The following FMO3 variants were observed in gnomAD, a reference collection of about 807,000 sequenced individuals.
FMO3 encodes the protein flavin-containing monooxygenase 3.
FMO3 carries 40 observed loss-of-function variants against 39.4 expected under a neutral mutation model. That is an observed-to-expected ratio of 1.02 (90% CI 0.79 to 1.32). The LOEUF (loss-of-function observed/expected upper bound fraction) is 1.32, where lower values mean the gene tolerates loss of function less well. FMO3 is among the 40% of genes most tolerant of loss of function. The pLI is 0.00. For missense variants in FMO3, 680 were observed against 651.8 expected (o/e 1.04, Z -0.47); for synonymous variants, 219 against 228.8 (o/e 0.96, Z 0.39).
rs28363576 is a variant in FMO3, at chr1:171,112,808, T to C, written c.828-1199T>C. ...TAGATGACATCTCTTGAAGAATGCA[T>C]GTAAATGGAGGAGACTAAAGGTCTG... On this transcript the variant is annotated intron_variant, in intron 6 of 8. Coordinates refer to ENST00000367755, the MANE Select transcript of FMO3 (RefSeq NM_001002294.3). Among the ~76,000 whole-genome samples, 1,259 of 152,172 alleles carry C rather than the reference T, an allele frequency of 8.3e-3. 21 individuals carry two copies. Among genetic ancestry groups the C allele is most frequent in the African/African-American group, 0.029 (1,197 of 41,504 alleles).
rs575457861 is a variant in FMO3, at chr1:171,104,356, G to A, written c.321+383G>A. ...TAATTTAGTCTATGTATCAATACTT[G>A]TGGGAAACATAGGAAGCTATATTTT... On this transcript the variant is annotated intron_variant, in intron 3 of 8. Coordinates refer to ENST00000367755, the MANE Select transcript of FMO3 (RefSeq NM_001002294.3). Among the ~76,000 whole-genome samples, 3 of 152,056 alleles carry A rather than the reference G, an allele frequency of 2.0e-5. No homozygotes were observed. In the South Asian group the frequency reaches 6.2e-4, roughly 32 times the overall value.
chr1:171,116,210 A>G lies in FMO3; in HGVS notation c.1186A>G (p.Thr396Ala), dbSNP rs1274839305. Reference protein sequence around the residue: ...SRWAAQVIKGTCTLPSMEDMM... With the variant: ...SRWAAQVIKGACTLPSMEDMM... ...TCGTGTCTTTCCTTCTTTATCAGGA[A>G]CTTGTACTTTGCCTTCTATGGAAGA... Residue 396 changes from threonine (T) to alanine (A), a missense_variant and splice_region_variant, in exon 8 of 9, where the codon ACT becomes GCT. By Grantham distance (58) the Thr-to-Ala change is moderately conservative. Coordinates refer to ENST00000367755, the MANE Select transcript of FMO3 (RefSeq NM_001002294.3). 6.3e-7 allele frequency: 1 copy of G among 1,596,694 alleles called. No homozygotes were observed. Among genetic ancestry groups the G allele is most frequent in the Non-Finnish European group, 8.6e-7 (1 of 1,164,508 alleles).
In FMO3 at chr1:171,117,103, TG is replaced by T. The variant is rs1656190638; in HGVS notation, c.1262del (p.Gly421AlafsTer67). 1 of 1,613,700 alleles carries T rather than the reference TG, an allele frequency of 6.2e-7. No homozygotes were observed. Among genetic ancestry groups the T allele is most frequent in the Non-Finnish European group, 8.5e-7 (1 of 1,179,556 alleles). Reference sequence around the variant, plus strand: ...GTGTTTTCTCTCCCATCTCCAGGTTTGGCAAAAGCGAGACCATACAGACAGA... The same window carrying T: ...GTGTTTTCTCTCCCATCTCCAGGTTTGCAAAAGCGAGACCATACAGACAGA... ...EKMEKKRKWF[G>X]KSETIQTDYI... On this transcript the variant is annotated frameshift_variant, in exon 9 of 9. Coordinates refer to ENST00000367755, the MANE Select transcript of FMO3 (RefSeq NM_001002294.3). LOFTEE classifies it low-confidence loss of function (END_TRUNC).
At chr1:171,103,737 G>C (rs752742015) in intron 2 of FMO3, 48 bp from the exon 3 acceptor site, 2 of 1,453,036 alleles carry the variant, frequency 1.4e-6, no homozygotes, top group Non-Finnish European at 1.9e-6. Flanking sequence ...ACCATGATCA[G>C]TATACTCATT....
At chr1:171,103,607 G>A (rs1040573096) in intron 2 of FMO3, among the ~76,000 whole-genome samples, 178 bp from the exon 3 acceptor site, 1 of 152,128 alleles carries the variant, frequency 6.6e-6, no homozygotes, top group East Asian at 1.9e-4. Context: ...TAGGTTATAC[G>A]AAAATACTAT....
Position 171,114,259 on chromosome 1 carries a change from A to G in FMO3, c.1080A>G (p.Leu360=). ...TATTTAAAGGAGTATTTCCTCCTCT[A>G]CTTGAGAAGTCAACCATAGCAGTGA... is the stretch of plus-strand genomic sequence containing the variant. The part of the protein sequence containing the change: ...IILFKGVFPP[L]LEKSTIAVIG... The change falls in exon 7 of 9, where the codon CTA becomes CTG. Residue 360 remains leucine (L), a synonymous_variant. Transcript: ENST00000367755. 6.2e-7 allele frequency: 1 copy of G among 1,613,994 alleles called. No homozygotes were observed. Among genetic ancestry groups the G allele is most frequent in the Non-Finnish European group, 8.5e-7 (1 of 1,179,950 alleles).
chr1:171,116,266 GAA>G lies in FMO3; in HGVS notation c.1246_1247del (p.Lys416AlafsTer20), dbSNP rs765218351. ...MMNDINEKME[K>X]KRKWFGKSET... ...TGAATGATATTAATGAGAAAATGGA[GAA>G]AAAGCGCAAATGGTAAGAGTACCTA... On this transcript the variant is annotated frameshift_variant, in exon 8 of 9. Transcript: ENST00000367755. LOFTEE classifies it low-confidence loss of function (END_TRUNC). 2 of 1,589,440 alleles carry G rather than the reference GAA, an allele frequency of 1.3e-6. No homozygotes were observed. Among genetic ancestry groups the G allele is most frequent in the Non-Finnish European group, 1.7e-6 (2 of 1,158,248 alleles).
intron 2 of FMO3, among the ~76,000 whole-genome samples, chr1:171,096,689 A>G (rs1269890552): frequency 3.3e-5 from 3 of 92,242 alleles, no homozygotes; most frequent in Non-Finnish European, 6.3e-5. Context: ...TTAAAATATA[A>G]TTAATATAAT....
chr1:171,092,626 G>C (rs754438627), intron 1 of FMO3, 27 bp from the exon 2 acceptor site: 8 of 1,613,252 alleles, frequency 5.0e-6, no homozygotes, highest in Non-Finnish European at 5.9e-6. Context: ...TGTTGTTACT[G>C]GAAATGTTCT....
chr1:171,112,913 C>T lies in FMO3; in HGVS notation c.828-1094C>T, dbSNP rs1003617806. ...CTGTGGGAGACAGAAAAAGAATAGC[C>T]AGCAAAGTAGGAAAGGAACTGAGAG... On this transcript the variant is annotated intron_variant, in intron 6 of 8. Transcript: ENST00000367755. 2.0e-5 allele frequency among the ~76,000 whole-genome samples: 3 copies of T among 152,136 alleles called. No individual in the cohort carries two copies. In the South Asian group the frequency reaches 6.2e-4, roughly 31 times the overall value.
At chr1:171,096,071 T>TAATATATATTATATA (rs1491505210) in intron 2 of FMO3, among the ~76,000 whole-genome samples, 39 of 53,652 alleles carry the variant, frequency 7.3e-4, no homozygotes, top group African/African-American at 3.0e-3. Context: ...ATATTATATA[T>TAATATATATTATATA]TAATATATAA....
intron 1 of FMO3, among the ~76,000 whole-genome samples, chr1:171,091,601 C>T (rs1654711336): frequency 6.6e-6 from 1 of 151,770 alleles, no homozygotes; most frequent in Admixed American, 6.6e-5. Context: ...TCCCCAACAC[C>T]CCCCGGAGAG....
chr1:171,116,183 C>T, intron 7 of FMO3, 25 bp from the exon 8 acceptor site: 3 of 1,460,334 alleles, frequency 2.1e-6, no homozygotes, highest in Non-Finnish European at 9.6e-7. Flanking sequence ...CATTAATTAC[C>T]ATCGTGTCTT....
chr1:171,106,019 T>C (rs1407590452), intron 3 of FMO3, among the ~76,000 whole-genome samples: 3 of 152,124 alleles, frequency 2.0e-5, no homozygotes, highest in Admixed American at 1.3e-4. Flanking sequence ...CCAACTCTTA[T>C]TATAAAAAAG....
Position 171,107,550 on chromosome 1 carries a change from A to C in FMO3, c.322-125A>C. The C allele has an allele frequency of 4.1e-6, 3 of 735,288 alleles. No homozygotes were observed. In the Admixed American group the frequency reaches 6.8e-5, roughly 17 times the overall value. 45.5% of individuals were successfully genotyped at this position (735,288 alleles called of 1,614,324 possible). A position where few individuals can be genotyped will look rare whatever the true frequency, so the allele number is the denominator to read the frequency against. ...TTTTGATTTATTCTGAGGGAATTTT[A>C]AATTTGTAATATGTATCTTAATCAT... On this transcript the variant is annotated intron_variant, in intron 3 of 8. Coordinates refer to ENST00000367755, the MANE Select transcript of FMO3 (RefSeq NM_001002294.3).
chr1:171,095,996 T>G (rs1654968156), intron 2 of FMO3, among the ~76,000 whole-genome samples: 1 of 26,892 alleles, frequency 3.7e-5, no homozygotes, highest in South Asian at 1.1e-3. Context: ...TTTATATATT[T>G]TTATATATTA....
At chr1:171,099,394 G>A (rs1655254129) in intron 2 of FMO3, among the ~76,000 whole-genome samples, 2 of 152,174 alleles carry the variant, frequency 1.3e-5, no homozygotes, top group East Asian at 1.9e-4. Flanking sequence ...CCTACTGTAT[G>A]TTATTAAAAT....
chr1:171,114,035 G>C lies in FMO3; in HGVS notation c.856G>C (p.Asp286His). Residue 286 changes from aspartate to histidine, a missense_variant, in exon 7 of 9, where the codon GAT becomes CAT. Asp to His is a moderately conservative substitution (Grantham distance 81). Transcript: ENST00000367755. ...CCTGAGGAAAGAGCCTGTATTTAAC[G>C]ATGAGCTCCCAGCAAGCATTCTGTG... ...GVLRKEPVFN[D>H]ELPASILCGI... is the part of the protein sequence containing the mutation. The C allele has an allele frequency of 1.2e-6, 2 of 1,611,732 alleles. No individual in the cohort carries two copies. The highest frequency in any genetic ancestry group is 4.5e-5 in the East Asian group (2 of 44,826).
intron 6 of FMO3, 108 bp downstream of exon 6, chr1:171,111,105 A>G (rs1239908919): frequency 1.2e-6 from 1 of 859,016 alleles, no homozygotes; most frequent in Non-Finnish European, 2.0e-6. Flanking sequence ...ATCACAACTC[A>G]TATATCAGAA....
Sources: gnomAD v4.1 joint callset for allele counts (sites outside exome capture counted in the v4.1 genomes callset) on GRCh38, gnomAD v4.1.1 for gene constraint, MANE v1.5 for transcripts, NCBI Gene and HGNC (gene_info 2026-07-23, HGNC 2026-07-21) for gene names.